The following TNS3 variants were observed in gnomAD, a reference collection of about 807,000 sequenced individuals.
The protein encoded by TNS3 is tensin-3.
TNS3 carries 45 observed loss-of-function variants against 140.9 expected under a neutral mutation model. The observed-to-expected ratio is 0.32, with a 90% confidence interval of 0.25 to 0.41. The LOEUF (loss-of-function observed/expected upper bound fraction) is 0.41. TNS3 is among the 10% of genes least tolerant of loss of function. The pLI is 1.00. For missense variants in TNS3, 1,716 were observed against 1,906.7 expected (o/e 0.90, Z 1.86); for synonymous variants, 815 against 788.4 (o/e 1.03, Z -0.56).
chr7:47,404,732 C>T (rs1365401973), intron 13 of TNS3, among the ~76,000 whole-genome samples: 2 of 151,876 alleles, frequency 1.3e-5, no homozygotes, highest in Admixed American at 1.3e-4. Context: ...TAAAAAAATA[C>T]AAAAAGCCGG....
At chr7:47,345,122 G>C (rs539594470) in intron 18 of TNS3, 84 bp from the exon 19 acceptor site, 9 of 1,120,982 alleles carry the variant, frequency 8.0e-6, no homozygotes, top group Non-Finnish European at 1.1e-5. Context: ...GGCTCCCCCA[G>C]GCTGGCCCAC....
intron 16 of TNS3, among the ~76,000 whole-genome samples, chr7:47,370,295 G>GA (rs1011125600): frequency 2.6e-5 from 4 of 152,028 alleles, no homozygotes; most frequent in African/African-American, 9.7e-5. Context: ...AAAAAGAAAA[G>GA]AAAAAAACTG....
Position 47,345,035 on chromosome 7 carries a change from T to G in TNS3, c.2455A>C (p.Met819Leu). Residue 819 changes from methionine (M) to leucine (L), a missense_variant, in exon 19 of 31, where the codon ATG (methionine) becomes CTG (leucine). Met to Leu is a conservative substitution (Grantham distance 15). Around this residue, in one of 3 missense-constraint regions of TNS3, gnomAD observed 1,163 missense variants for 1,182.1 expected, o/e 0.98. Transcript: ENST00000311160. ...FPSPADVKET[M>L]TPGYPQDLDI... The stretch of plus-strand genomic sequence containing the variant: ...AGGTCCTGGGGATAGCCAGGGGTCA[T>G]CGTCTGAAATTGGCACAGGGAGTAG... The G allele has an allele frequency of 6.2e-7, 1 of 1,613,346 alleles. No homozygotes were observed.
intron 4 of TNS3, among the ~76,000 whole-genome samples, chr7:47,454,107 C>G (rs776085975): frequency 6.6e-6 from 1 of 152,186 alleles, no homozygotes; most frequent in African/African-American, 2.4e-5. Context: ...GGGCCCCCAG[C>G]ATAACCCTAT....
At chr7:47,473,997 G>C (rs1797061208) in intron 4 of TNS3, among the ~76,000 whole-genome samples, 1 of 152,022 alleles carries the variant, frequency 6.6e-6, no homozygotes, top group Non-Finnish European at 1.5e-5. Context: ...GGCAGCACGT[G>C]ACCTGCAAGA....
intron 3 of TNS3, among the ~76,000 whole-genome samples, chr7:47,485,310 T>C (rs1190090099): frequency 6.6e-6 from 1 of 152,192 alleles, no homozygotes; most frequent in African/African-American, 2.4e-5. Flanking sequence ...CACGAAACAG[T>C]GCCCTGTCTG....
intron 16 of TNS3, among the ~76,000 whole-genome samples, chr7:47,371,462 A>T (rs1791067651): frequency 6.6e-6 from 1 of 152,084 alleles, no homozygotes; most frequent in Admixed American, 6.5e-5. Flanking sequence ...TGGCCCTGAA[A>T]CCTGTGTGCT....
intron 2 of TNS3, 25 bp from the exon 3 acceptor site, chr7:47,506,969 A>C (rs746081358): frequency 3.5e-5 from 45 of 1,285,322 alleles, no homozygotes; most frequent in Non-Finnish European, 7.1e-6. Flanking sequence ...AAGAGAAAGA[A>C]TGTGTGTCAA....
At position 47,424,148 on chromosome 7, in the gene TNS3, C is replaced by G. The variant is rs762402692; in HGVS notation, c.426G>C (p.Lys142Asn). ...AAGCTGAAACTTTGTCATCATAAAACTTCTTCATTGCAAACCTGTCAAGGG... is the reference window on the plus strand; with the variant it reads ...AAGCTGAAACTTTGTCATCATAAAAGTTCTTCATTGCAAACCTGTCAAGGG... ...DQALDRFAMK[K>N]FYDDKVSALM... Residue 142 changes from lysine (K) to asparagine (N), a missense_variant, in exon 10 of 31, where the codon AAG becomes AAC. Lys to Asn is a moderately conservative substitution (Grantham distance 94, BLOSUM62 0). Around this residue, in one of 3 missense-constraint regions of TNS3, gnomAD observed 337 missense variants for 428.9 expected, o/e 0.79. Transcript: ENST00000311160. 4 of 1,614,176 alleles carry G rather than the reference C, an allele frequency of 2.5e-6. No individual in the cohort carries two copies. Among genetic ancestry groups the G allele is most frequent in the Non-Finnish European group, 3.4e-6 (4 of 1,180,006 alleles).
At chr7:47,284,259 A>G (rs1251655811) in intron 27 of TNS3, among the ~76,000 whole-genome samples, 1 of 152,206 alleles carries the variant, frequency 6.6e-6, no homozygotes, top group African/African-American at 2.4e-5. Context: ...CATTAATATG[A>G]AACCCAACTA....
chr7:47,295,876 A>G (rs1436375152), intron 24 of TNS3, among the ~76,000 whole-genome samples: 11 of 152,220 alleles, frequency 7.2e-5, no homozygotes. Context: ...GGTTTCATCC[A>G]AGAATTTGGA....
intron 4 of TNS3, among the ~76,000 whole-genome samples, chr7:47,476,850 C>A (rs1408219888): frequency 6.6e-6 from 1 of 152,180 alleles, no homozygotes; most frequent in Admixed American, 6.5e-5. Context: ...GTTTGCCTCC[C>A]AGCTCCTTTC....
chr7:47,335,270 C>T (rs555076783), intron 20 of TNS3, among the ~76,000 whole-genome samples: 5 of 152,264 alleles, frequency 3.3e-5, no homozygotes, highest in African/African-American at 1.2e-4. Context: ...CTTGAGGGCC[C>T]CAAATGGGTG....
At chr7:47,304,026 C>A (rs2150719794) in intron 21 of TNS3, among the ~76,000 whole-genome samples, 1 of 152,322 alleles carries the variant, frequency 6.6e-6, no homozygotes, top group Middle Eastern at 3.4e-3. Flanking sequence ...AAATGCCCTC[C>A]CGTCTTGTCC....
At chr7:47,549,689 A>C (rs1020161190) in intron 1 of TNS3, among the ~76,000 whole-genome samples, 2 of 152,070 alleles carry the variant, frequency 1.3e-5, no homozygotes, top group African/African-American at 4.8e-5. Flanking sequence ...GGAAAAGTCC[A>C]TCCACCTTGG....
intron 20 of TNS3, among the ~76,000 whole-genome samples, chr7:47,338,508 C>T (rs1347260720): frequency 6.6e-6 from 1 of 152,078 alleles, no homozygotes; most frequent in African/African-American, 2.4e-5. Flanking sequence ...TTTCTTTGAA[C>T]CATTTTCTAA....
At chr7:47,425,700 G>A (rs575526165) in intron 9 of TNS3, among the ~76,000 whole-genome samples, 1 of 152,272 alleles carries the variant, frequency 6.6e-6, no homozygotes, top group East Asian at 1.9e-4. Flanking sequence ...TAAATGCTGA[G>A]AATACATTTT....
chr7:47,508,334 C>G (rs539136826), intron 2 of TNS3, among the ~76,000 whole-genome samples: 73 of 152,278 alleles, frequency 4.8e-4, no homozygotes, highest in African/African-American at 1.7e-3. Flanking sequence ...TAAGATTATT[C>G]ACAAAGACAT....
At chr7:47,428,408 C>G in intron 8 of TNS3, 32 bp from the exon 9 acceptor site, 1 of 1,375,642 alleles carries the variant, frequency 7.3e-7, no homozygotes, top group Non-Finnish European at 9.5e-7. Context: ...CTGATTTTCT[C>G]TGAAATCCCA....
Sources: allele counts gnomAD v4.1 joint callset (sites outside exome capture counted in the v4.1 genomes callset), GRCh38; gene constraint gnomAD v4.1.1; regional missense constraint gnomAD v4.1.1; transcripts MANE v1.5; gene names NCBI Gene and HGNC (gene_info 2026-07-23, HGNC 2026-07-21).